PLEKHG3: variants seen among roughly 807,000 people sequenced by gnomAD.
PLEKHG3 encodes the protein pleckstrin homology and RhoGEF domain containing G3.
PLEKHG3 carries 62 observed loss-of-function variants against 94.9 expected under a neutral mutation model. That is an observed-to-expected ratio of 0.65 (90% confidence interval 0.53 to 0.81). PLEKHG3 has a LOEUF of 0.81. Among genes scored for constraint, PLEKHG3 ranks in the 30% least tolerant of loss-of-function variants. PLEKHG3 has a pLI of 0.00. For missense variants in PLEKHG3, 1,461 were observed against 1,619.3 expected (o/e 0.90, Z 1.68); for synonymous variants, 614 against 654.0 (o/e 0.94, Z 0.93).
In PLEKHG3 at chr14:64,749,642, G is replaced by C. The variant is rs1304809231; in HGVS notation, c.*5939G>C. The C allele has an allele frequency of 3.7e-6, 6 of 1,613,558 alleles. 1 individual carries two copies. In the South Asian group the frequency reaches 6.6e-5, roughly 18 times the overall value. On this transcript the variant is annotated 3_prime_UTR_variant, in exon 17 of 17. Coordinates refer to ENST00000247226, the MANE Select transcript of PLEKHG3 (RefSeq NM_001308147.2). The surrounding 1 kb of genome is among the most constrained non-coding windows in gnomAD (Gnocchi z 4.7). ...TTCTTAGCCAGGTCTGGGCTAGGCTGCCCGCGCTTACCTCATCCTTGCCAT... is the reference window on the plus strand; with the variant it reads ...TTCTTAGCCAGGTCTGGGCTAGGCTCCCCGCGCTTACCTCATCCTTGCCAT...
intron 12 of PLEKHG3, among the ~76,000 whole-genome samples, chr14:64,735,216 G>C (rs971607683): frequency 6.6e-6 from 1 of 152,166 alleles, no homozygotes; most frequent in Non-Finnish European, 1.5e-5. Context: ...TTGGTGTGTC[G>C]TGCCCCTCTT....
Position 64,731,832 on chromosome 14 carries a change from C to T in PLEKHG3, c.1125+26C>T, listed in dbSNP as rs766299414. ...GTGAGGGGAAGGTGGGGCTCAGGGG[C>T]TAGGGAACAAGATGCCCAGGGGACA... On this transcript the variant is annotated intron_variant, in intron 9 of 16. Transcript: ENST00000247226. This position sits in a 1 kb window ranked among gnomAD's most constrained non-coding sequence, Gnocchi z 6.1. 18 of 1,530,126 alleles carry T rather than the reference C, an allele frequency of 1.2e-5. No homozygotes were observed. In the East Asian group the frequency reaches 4.0e-4, roughly 34 times the overall value. The allele number at this position is 1,530,126 out of a possible 1,614,324, so 94.8% of individuals were successfully genotyped here. A position where few individuals can be genotyped will look rare whatever the true frequency, so the allele number is the denominator to read the frequency against.
In PLEKHG3 at chr14:64,717,705, A is replaced by C. The variant is rs956707883; in HGVS notation, c.-39-9888A>C. 6.6e-6 allele frequency among the ~76,000 whole-genome samples: 1 copy of C among 152,146 alleles called. No individual in the cohort carries two copies. The highest frequency in any genetic ancestry group is 1.9e-4 in the East Asian group (1 of 5,196). On this transcript the variant is annotated intron_variant, in intron 1 of 16. Transcript: ENST00000247226. The surrounding 1 kb of genome is among the most constrained non-coding windows in gnomAD (Gnocchi z 4.7). ...GAATGGGTCTCATTCTTTCTAGCTA[A>C]TGTTCCCTCGATCTCTCGCTCCTCC...
At chr14:64,710,356 C>A (rs1347471635) in intron 1 of PLEKHG3, among the ~76,000 whole-genome samples, 1 of 152,114 alleles carries the variant, frequency 6.6e-6, no homozygotes, top group Non-Finnish European at 1.5e-5. Context: ...TATGTTCAAG[C>A]TGGGAAGAAG....
rs554199664 is a variant in PLEKHG3, at chr14:64,740,271, G to A, written c.1519-765G>A. Among the ~76,000 whole-genome samples, 10 of 141,700 alleles carry A rather than the reference G, an allele frequency of 7.1e-5. No homozygotes were observed. The South Asian group carries it at 1.6e-3, about 23-fold the overall frequency. The allele number at this position is 141,700 out of a possible 152,430, so 93.0% of individuals were successfully genotyped here. A position where few individuals can be genotyped will look rare whatever the true frequency, so the allele number is the denominator to read the frequency against. ...AACTAGAACAGAAGGAATTATGTCC[G>A]ATCTTATAATTAGTGTTTGCTCTTA... On this transcript the variant is annotated intron_variant, in intron 15 of 16. Transcript: ENST00000247226.
chr14:64,716,496 A>ACCACACACACACAC lies in PLEKHG3; in HGVS notation c.-39-11097_-39-11096insCCACACACACACAC, dbSNP rs1555359440. Among the ~76,000 whole-genome samples the ACCACACACACACAC allele has an allele frequency of 3.8e-5, 3 of 79,500 alleles. No individual in the cohort carries two copies. The highest frequency in any genetic ancestry group is 7.3e-5 in the Non-Finnish European group (3 of 41,158). The allele number at this position is 79,500 out of a possible 152,430, so 52.2% of individuals were successfully genotyped here. On this transcript the variant is annotated intron_variant, in intron 1 of 16. Transcript: ENST00000247226. This position sits in a 1 kb window ranked among gnomAD's most constrained non-coding sequence, Gnocchi z 5.0. Reference sequence around the variant, plus strand: ...ACACACACACAACACACACACACACAACACACACACACACACACACACACA... The same window carrying ACCACACACACACAC: ...ACACACACACAACACACACACACACACCACACACACACACACACACACACACACACACACACACA...
chr14:64,732,070 G>A lies in PLEKHG3; in HGVS notation c.1126-25G>A. 6.5e-7 allele frequency: 1 copy of A among 1,542,086 alleles called. No individual in the cohort carries two copies. The highest frequency in any genetic ancestry group is 9.0e-7 in the Non-Finnish European group (1 of 1,114,262). ...TCAGGCCTGTAATGATAACCACTGG[G>A]TCCCTTTCCCTTGGGTCCTCCCAGG... is the stretch of plus-strand genomic sequence containing the variant. On this transcript the variant is annotated intron_variant, in intron 9 of 16. Transcript: ENST00000247226. This position sits in a 1 kb window ranked among gnomAD's most constrained non-coding sequence, Gnocchi z 4.9.
At position 64,742,474 on chromosome 14, in the gene PLEKHG3, G is replaced by A. The variant is rs770071562; in HGVS notation, c.2938+19G>A. ...GGCAAAGGTATGACAGAAGCGGCAA[G>A]TGGGCCCTTCCCCAAGTCTAGGGAC... On this transcript the variant is annotated intron_variant, in intron 16 of 16. Coordinates refer to ENST00000247226, the MANE Select transcript of PLEKHG3 (RefSeq NM_001308147.2). The A allele has an allele frequency of 3.2e-6, 5 of 1,556,792 alleles. No homozygotes were observed. The highest frequency in any genetic ancestry group is 4.6e-5 in the East Asian group (2 of 43,742).
In PLEKHG3 at chr14:64,749,074, C is replaced by A; in HGVS notation, c.*5371C>A. The A allele has an allele frequency of 2.2e-6, 1 of 459,248 alleles. No individual in the cohort carries two copies. Among genetic ancestry groups the A allele is most frequent in the Admixed American group, 4.1e-5 (1 of 24,344 alleles). The allele number at this position is 459,248 out of a possible 1,614,324, so 28.4% of individuals were successfully genotyped here. A position where few individuals can be genotyped will look rare whatever the true frequency, so the allele number is the denominator to read the frequency against. The stretch of plus-strand genomic sequence containing the variant: ...GGAGGCCCCAAAGGCGCCAGAGGAG[C>A]TGGGAGCCCCTGTCCCTGGAGCGGA... On this transcript the variant is annotated 3_prime_UTR_variant, in exon 17 of 17. Transcript: ENST00000247226. The surrounding 1 kb of genome is among the most constrained non-coding windows in gnomAD (Gnocchi z 4.7).
chr14:64,708,988 G>A (rs930502369), intron 1 of PLEKHG3, among the ~76,000 whole-genome samples: 2 of 152,210 alleles, frequency 1.3e-5, no homozygotes, highest in African/African-American at 4.8e-5. Context: ...TTAGTGTTGG[G>A]TGACCTGAAG....
Position 64,717,316 on chromosome 14 carries a change from T to C in PLEKHG3, c.-39-10277T>C, listed in dbSNP as rs1420300039. 1.3e-5 allele frequency among the ~76,000 whole-genome samples: 2 copies of C among 152,156 alleles called. No individual in the cohort carries two copies. Among genetic ancestry groups the C allele is most frequent in the African/African-American group, 4.8e-5 (2 of 41,428 alleles). ...GCCTGAGGGAGGGGGAAGGCCAGGGTTGTCTACATAACTTTCTGGGTTTGG... is the reference window on the plus strand; with the variant it reads ...GCCTGAGGGAGGGGGAAGGCCAGGGCTGTCTACATAACTTTCTGGGTTTGG... On this transcript the variant is annotated intron_variant, in intron 1 of 16. Coordinates refer to ENST00000247226, the MANE Select transcript of PLEKHG3 (RefSeq NM_001308147.2). The surrounding 1 kb of genome is among the most constrained non-coding windows in gnomAD (Gnocchi z 4.7).
Position 64,739,072 on chromosome 14 carries a change from C to T in PLEKHG3, c.1518+217C>T, listed in dbSNP as rs1297343547. The stretch of plus-strand genomic sequence containing the variant: ...CCCCTTTCTATGAAGTAGAGAAAGG[C>T]TCCCCTTTGGGCAGATGCAGTCCCA... On this transcript the variant is annotated intron_variant, in intron 15 of 16. Transcript: ENST00000247226. The surrounding 1 kb of genome is among the most constrained non-coding windows in gnomAD (Gnocchi z 4.1). Among the ~76,000 whole-genome samples the T allele has an allele frequency of 6.6e-6, 1 of 152,152 alleles. No homozygotes were observed. The highest frequency in any genetic ancestry group is 2.4e-5 in the African/African-American group (1 of 41,426).
Position 64,728,961 on chromosome 14 carries a change from C to CG in PLEKHG3, c.352-30dup, listed in dbSNP as rs2081405062. 1.2e-6 allele frequency: 1 copy of CG among 846,404 alleles called. No homozygotes were observed. The highest frequency in any genetic ancestry group is 1.9e-6 in the Non-Finnish European group (1 of 523,594). The allele number at this position is 846,404 out of a possible 1,614,324, so 52.4% of individuals were successfully genotyped here. ...GGGAAGGTAGTGGGCAGGGTTGTGCCGGGGGCTAGGTTCTGACCACCTCCC... is the reference window on the plus strand; with the variant it reads ...GGGAAGGTAGTGGGCAGGGTTGTGCCGGGGGGCTAGGTTCTGACCACCTCCC... On this transcript the variant is annotated intron_variant, in intron 2 of 16. Coordinates refer to ENST00000247226, the MANE Select transcript of PLEKHG3 (RefSeq NM_001308147.2). This position sits in a 1 kb window ranked among gnomAD's most constrained non-coding sequence, Gnocchi z 5.9.
Position 64,750,182 on chromosome 14 carries a change from C to A in PLEKHG3, c.*6479C>A. ...GCAAAGATGCAGACAGGCAGGTCAC[C>A]CACATCCTGATATGGTATCTCTAGA... On this transcript the variant is annotated 3_prime_UTR_variant, in exon 17 of 17. Transcript: ENST00000247226. 6.2e-7 allele frequency: 1 copy of A among 1,606,560 alleles called. No homozygotes were observed. Among genetic ancestry groups the A allele is most frequent in the Non-Finnish European group, 8.5e-7 (1 of 1,174,158 alleles).
At chr14:64,740,772 A>G (rs1261428507) in intron 15 of PLEKHG3, among the ~76,000 whole-genome samples, 1 of 152,212 alleles carries the variant, frequency 6.6e-6, no homozygotes, top group African/African-American at 2.4e-5. Flanking sequence ...AGGTGTTGCC[A>G]TCCTGACCCA....
Position 64,732,589 on chromosome 14 carries a change from G to GC in PLEKHG3, c.1246+130dup. 2.3e-6 allele frequency: 2 copies of GC among 856,204 alleles called. No individual in the cohort carries two copies. Among genetic ancestry groups the GC allele is most frequent in the Middle Eastern group, 2.2e-4 (1 of 4,498 alleles). 53.0% of individuals were successfully genotyped at this position (856,204 alleles called of 1,614,324 possible). A position where few individuals can be genotyped will look rare whatever the true frequency, so the allele number is the denominator to read the frequency against. ...GGAGGGCGGGGGTCTCCTGTTAAGGGCTGGGGGGTGAACTACATGATTAAG... is the reference window on the plus strand; with the variant it reads ...GGAGGGCGGGGGTCTCCTGTTAAGGGCCTGGGGGGTGAACTACATGATTAAG... On this transcript the variant is annotated intron_variant, in intron 11 of 16. Transcript: ENST00000247226. The surrounding 1 kb of genome is among the most constrained non-coding windows in gnomAD (Gnocchi z 4.9).
intron 1 of PLEKHG3, among the ~76,000 whole-genome samples, chr14:64,707,102 A>C (rs1421598360): frequency 1.3e-5 from 2 of 152,190 alleles, no homozygotes; most frequent in African/African-American, 4.8e-5. Flanking sequence ...GCCAGCTGCA[A>C]GTCCACAGGC....
chr14:64,738,263 T>C lies in PLEKHG3; in HGVS notation c.1405-479T>C, dbSNP rs1209089055. 1 of 1,185,324 alleles carries C rather than the reference T, an allele frequency of 8.4e-7. No homozygotes were observed. Among genetic ancestry groups the C allele is most frequent in the Admixed American group, 2.3e-5 (1 of 42,918 alleles). 73.4% of individuals were successfully genotyped at this position (1,185,324 alleles called of 1,614,324 possible). ...TCGATCTCCCCTCCTCCTTGCATGC[T>C]CCCTGGGATGTGCATGCCCACCCGA... On this transcript the variant is annotated intron_variant, in intron 14 of 16. Transcript: ENST00000247226. This position sits in a 1 kb window ranked among gnomAD's most constrained non-coding sequence, Gnocchi z 4.8.
rs753312507 is a variant in PLEKHG3 at position 64,720,307 on chromosome 14, C to T, written c.-39-7286C>T. ...CTGGGGCCAAGTAGGATGGGACTAC[C>T]GGGGTGAATGAGCAGTCATCAATCC... On this transcript the variant is annotated intron_variant, in intron 1 of 16. Coordinates refer to ENST00000247226, the MANE Select transcript of PLEKHG3 (RefSeq NM_001308147.2). The surrounding 1 kb of genome is among the most constrained non-coding windows in gnomAD (Gnocchi z 4.1). Among the ~76,000 whole-genome samples the T allele has an allele frequency of 5.9e-5, 9 of 152,172 alleles. No individual in the cohort carries two copies. Among genetic ancestry groups the T allele is most frequent in the African/African-American group, 1.7e-4 (7 of 41,446 alleles).
Sources: allele counts gnomAD v4.1 joint callset (sites outside exome capture counted in the v4.1 genomes callset), GRCh38; gene constraint gnomAD v4.1.1; non-coding constraint Gnocchi (gnomAD v3.1); transcripts MANE v1.5; gene names NCBI Gene and HGNC (gene_info 2026-07-23, HGNC 2026-07-21).